The following PRTG variants were observed in gnomAD, a reference collection of about 807,000 sequenced individuals.
PRTG encodes immunoglobulin superfamily, DCC subclass, member 5.
PRTG carries 67 observed loss-of-function variants against 122.5 expected under a neutral mutation model. The ratio of observed to expected loss-of-function variants is 0.55; its 90% CI spans 0.45 to 0.67. The LOEUF (loss-of-function observed/expected upper bound fraction) is 0.67, where lower values mean the gene tolerates loss of function less well. Ranked by LOEUF, PRTG falls within the 30% of genes least tolerant of loss-of-function variation. PRTG has a pLI of 0.00. For missense variants in PRTG, 1,435 were observed against 1,415.4 expected, an observed-to-expected ratio of 1.01 and a Z score of -0.22; for synonymous variants, 554 against 501.1, an observed-to-expected ratio of 1.11 and a Z score of -1.41.
At chr15:55,652,484 G>C (rs1169265978) in intron 11 of PRTG, among the ~76,000 whole-genome samples, 1 of 152,086 alleles carries the variant, frequency 6.6e-6, no homozygotes, top group Non-Finnish European at 1.5e-5. Context: ...GAGCTCCTTG[G>C]TCTGGCTAGC....
At chr15:55,642,359 G>C (rs1034543014) in intron 11 of PRTG, among the ~76,000 whole-genome samples, 35 of 151,980 alleles carry the variant, frequency 2.3e-4, no homozygotes, top group Non-Finnish European at 4.3e-4. Context: ...GCTCATGCCT[G>C]CAATCCCAGC....
chr15:55,641,078 C>G (rs1208044788), intron 12 of PRTG, 35 bp downstream of exon 12: 1 of 1,407,448 alleles, frequency 7.1e-7, no homozygotes, highest in South Asian at 1.2e-5. Flanking sequence ...ACGGTGTGAG[C>G]CATAGTAAAA....
rs758635074 is a variant in PRTG, at chr15:55,624,498, A to C, written c.2937T>G (p.Ser979=). 8 of 1,609,712 alleles carry C rather than the reference A, an allele frequency of 5.0e-6. No homozygotes were observed. In the East Asian group the frequency reaches 1.3e-4, roughly 27 times the overall value. The change falls in exon 18 of 20, where the codon TCT becomes TCG. Residue 979 remains serine (S), a synonymous_variant. Coordinates refer to ENST00000389286, the MANE Select transcript of PRTG (RefSeq NM_173814.6). ...TTCCATTCTGTGCCGTCTTGGAAGC[A>C]GATGATTTCCTAAAACATTGGCAAG... is the stretch of plus-strand genomic sequence containing the variant. ...LIYRSKARKS[S]ASKTAQNGTQ...
chr15:55,677,803 C>T lies in PRTG; in HGVS notation c.1375G>A (p.Ala459Thr). 2 of 1,613,124 alleles carry T rather than the reference C, an allele frequency of 1.2e-6. No individual in the cohort carries two copies. The highest frequency in any genetic ancestry group is 2.2e-5 in the East Asian group (1 of 44,856). ...CACTCCTAAAATCGCTTACCTTCTG[C>T]TTTCATGTAGTGTACAGAATAGGCA... ...VIAYSVHYMK[A>T]EGLNNEEYQV... Residue 459 changes from alanine (A) to threonine (T), a missense_variant, in exon 8 of 20, where the codon GCA becomes ACA. By Grantham distance (58) the Ala-to-Thr change is moderately conservative. Transcript: ENST00000389286.
Position 55,675,607 on chromosome 15 carries a change from G to C in PRTG, c.1458C>G (p.Ala486=). Residue 486 remains alanine (A), a synonymous_variant, in exon 9 of 20, where the codon GCC becomes GCG. Transcript: ENST00000389286. Reference sequence around the variant, plus strand: ...CTACAATGTAGAAAGTATAATTGCTGGCAGGCTCTAAGTCATCAATAATAT... The same window carrying C: ...CTACAATGTAGAAAGTATAATTGCTCGCAGGCTCTAAGTCATCAATAATAT... The part of the protein sequence containing the change: ...THYIIDDLEP[A]SNYTFYIVAY... 6.2e-7 allele frequency: 1 copy of C among 1,607,432 alleles called. No homozygotes were observed. The highest frequency in any genetic ancestry group is 8.5e-7 in the Non-Finnish European group (1 of 1,174,252).
At chr15:55,627,217 T>C in intron 16 of PRTG, 89 bp from the exon 17 acceptor site, 3 of 912,818 alleles carry the variant, frequency 3.3e-6, no homozygotes, top group Non-Finnish European at 4.5e-6. Flanking sequence ...TCCAAAATTT[T>C]TCTTTATCTC....
chr15:55,710,013 C>T (rs1364959330), intron 2 of PRTG, among the ~76,000 whole-genome samples: 1 of 151,896 alleles, frequency 6.6e-6, no homozygotes, highest in African/African-American at 2.4e-5. Context: ...GCCTCAATAA[C>T]ATTTTTTAAA....
At chr15:55,664,447 T>C (rs1003503625) in intron 11 of PRTG, among the ~76,000 whole-genome samples, 1 of 152,160 alleles carries the variant, frequency 6.6e-6, no homozygotes, top group African/African-American at 2.4e-5. Context: ...CTGGCCAAGA[T>C]GAATAAACTT....
intron 13 of PRTG, 108 bp downstream of exon 13, chr15:55,639,534 T>C (rs1423672017): frequency 1.2e-6 from 1 of 861,762 alleles, no homozygotes; most frequent in Admixed American, 2.8e-5. Context: ...CTGAAACAAA[T>C]GCTTACAGGT....
chr15:55,655,532 A>T (rs2059374897), intron 11 of PRTG: 1 of 152,204 alleles, frequency 6.6e-6, no homozygotes, highest in Non-Finnish European at 1.5e-5. Context: ...AAATAATTTC[A>T]GTTCAGAATA....
intron 17 of PRTG, among the ~76,000 whole-genome samples, chr15:55,626,405 T>C (rs1039190780): frequency 3.4e-5 from 5 of 147,208 alleles, no homozygotes; most frequent in African/African-American, 1.3e-4. Context: ...TGAGACTTTG[T>C]CTCAAAAAAA....
intron 2 of PRTG, among the ~76,000 whole-genome samples, chr15:55,726,129 G>C (rs1175198284): frequency 6.6e-6 from 1 of 152,156 alleles, no homozygotes; most frequent in Non-Finnish European, 1.5e-5. Context: ...TTTTAGTCGA[G>C]ACGGGGTTTC....
intron 2 of PRTG, among the ~76,000 whole-genome samples, chr15:55,733,518 A>C (rs1490175343): frequency 5.3e-5 from 8 of 149,638 alleles, no homozygotes; most frequent in African/African-American, 1.5e-4. Context: ...CTCAAACAAA[A>C]AAAAAAAAAA....
rs1010685567 is a variant in PRTG, at chr15:55,742,945, G to A, written c.-14C>T. On this transcript the variant is annotated 5_prime_UTR_variant, in exon 1 of 20. Coordinates refer to ENST00000389286, the MANE Select transcript of PRTG (RefSeq NM_173814.6). ...AGGAGGCGCCATTCAGCGTAGCCGC[G>A]CGGGCATGCTCCCCGGCCGCCCAGA... 6.6e-7 allele frequency: 1 copy of A among 1,508,944 alleles called. No individual in the cohort carries two copies. The highest frequency in any genetic ancestry group is 8.9e-7 in the Non-Finnish European group (1 of 1,128,580). The allele number at this position is 1,508,944 out of a possible 1,614,324, so 93.5% of individuals were successfully genotyped here.
chr15:55,612,161 C>A lies in PRTG; in HGVS notation c.*7851G>T, dbSNP rs564715159. ...TTCAGGCTTTGCAATTTCCTATTAA[C>A]AGGCTCAAGTTGCTAATCATCAGTA... On this transcript the variant is annotated 3_prime_UTR_variant, in exon 20 of 20. Transcript: ENST00000389286. 15 of 152,210 alleles carry A rather than the reference C, an allele frequency of 9.9e-5. No homozygotes were observed. In the East Asian group the frequency reaches 2.9e-3, roughly 29 times the overall value. 9.4% of individuals were successfully genotyped at this position (152,210 alleles called of 1,614,324 possible).
At chr15:55,651,858 A>G (rs1567084028) in intron 11 of PRTG, among the ~76,000 whole-genome samples, 1 of 152,190 alleles carries the variant, frequency 6.6e-6, no homozygotes, top group Non-Finnish European at 1.5e-5. Context: ...CTCCACCTCC[A>G]ACACTATTTC....
At chr15:55,638,498 T>C in intron 14 of PRTG, 51 bp downstream of exon 14, 3 of 1,431,370 alleles carry the variant, frequency 2.1e-6, no homozygotes, top group East Asian at 2.5e-5. Flanking sequence ...TTTTAAAACA[T>C]TTCCTTAATT....
At chr15:55,668,777 A>G (rs763573844) in intron 11 of PRTG, among the ~76,000 whole-genome samples, 11 of 152,344 alleles carry the variant, frequency 7.2e-5, no homozygotes, top group African/African-American at 1.4e-4. Context: ...CAATATTTAT[A>G]CTATGAAAGA....
At chr15:55,626,517 G>A (rs2059195825) in intron 17 of PRTG, among the ~76,000 whole-genome samples, 1 of 151,728 alleles carries the variant, frequency 6.6e-6, no homozygotes, top group Non-Finnish European at 1.5e-5. Flanking sequence ...GATGAGGCGG[G>A]CAGATCACAG....
Sources: allele counts gnomAD v4.1 joint callset (sites outside exome capture counted in the v4.1 genomes callset), GRCh38; gene constraint gnomAD v4.1.1; transcripts MANE v1.5; gene names NCBI Gene and HGNC (gene_info 2026-07-23, HGNC 2026-07-21).